The following GSE1 variants were observed in gnomAD, a reference collection of about 807,000 sequenced individuals.
The protein encoded by GSE1 is genetic suppressor element 1.
Under a neutral mutation model 112.6 loss-of-function variants are expected in GSE1, and 32 were observed. The ratio of observed to expected loss-of-function variants is 0.28; its 90% CI spans 0.21 to 0.38. The LOEUF is 0.38. Among genes scored for constraint, GSE1 ranks in the 10% least tolerant of loss-of-function variants. The probability of loss-of-function intolerance (pLI) is 1.00; values close to 1 mark genes in which losing one functional copy is unlikely to be tolerated. For missense variants in GSE1, 2,348 were observed against 1,699.2 expected (o/e 1.38, Z -6.71); for synonymous variants, 1,115 against 735.6 (o/e 1.52, Z -8.35).
In GSE1 at chr16:85,506,797, G is replaced by A. The variant is rs947095768; in HGVS notation, c.2465-127117G>A. Among the ~76,000 whole-genome samples the A allele has an allele frequency of 7.2e-5, 11 of 152,202 alleles. 1 individual carries two copies. The highest frequency in any genetic ancestry group is 1.4e-4 in the African/African-American group (6 of 41,502). ...GATCCGTGAGCTCCTGCTACTTGCT[G>A]GGGGAAGTGATCATAGCAGACGAAG... On this transcript the variant is annotated intron_variant, in intron 2 of 2. Coordinates refer to the GSE1 transcript ENST00000637419.
chr16:85,437,904 T>C (rs899376745), intron 2 of GSE1, among the ~76,000 whole-genome samples: 1 of 152,178 alleles, frequency 6.6e-6, no homozygotes, highest in African/African-American at 2.4e-5. Flanking sequence ...CCTGCCTCCT[T>C]GATGACAATA....
chr16:85,271,350 A>G (rs990134205), intron 1 of GSE1, among the ~76,000 whole-genome samples: 1 of 152,134 alleles, frequency 6.6e-6, no homozygotes, highest in African/African-American at 2.4e-5. Context: ...ATCTCTGCTC[A>G]CATGAATGGC....
chr16:85,309,949 A>T (rs2045790150), intron 1 of GSE1, among the ~76,000 whole-genome samples: 1 of 152,220 alleles, frequency 6.6e-6, no homozygotes, highest in South Asian at 2.1e-4. Flanking sequence ...CAAAAAAATA[A>T]AAAAGGAGAA....
chr16:85,666,476 AAAT>A, intron 13 of GSE1, 129 bp downstream of exon 13: 3 of 839,576 alleles, frequency 3.6e-6, no homozygotes, highest in Non-Finnish European at 3.8e-6. Context: ...CACCAGAAGA[AAAT>A]AATTTCGTTA....
chr16:85,581,263 C>G (rs565132308), intron 1 of GSE1, among the ~76,000 whole-genome samples: 2 of 152,130 alleles, frequency 1.3e-5, no homozygotes, highest in African/African-American at 2.4e-5. Context: ...CTCTTTCTGC[C>G]CCATGCCCCC....
At chr16:85,624,324 G>C (rs930137237) in intron 1 of GSE1, among the ~76,000 whole-genome samples, 1 of 152,202 alleles carries the variant, frequency 6.6e-6, no homozygotes, top group Non-Finnish European at 1.5e-5. Flanking sequence ...AGGCAGCCTG[G>C]TCAGCTCTGG....
In GSE1 at chr16:85,495,432, TA is replaced by T. The variant is rs869095696; in HGVS notation, c.2464+137790del. On this transcript the variant is annotated intron_variant, in intron 2 of 2. Coordinates refer to the GSE1 transcript ENST00000637419. Reference sequence around the variant, plus strand: ...AGATGAGAACATGCTGGGAACATTTTATTTATTTATTTATTTATTTATTTAT... The same window carrying T: ...AGATGAGAACATGCTGGGAACATTTTTTTATTTATTTATTTATTTATTTAT... Among the ~76,000 whole-genome samples, 16 of 5,110 alleles carry T rather than the reference TA, an allele frequency of 3.1e-3. No individual in the cohort carries two copies. In the South Asian group the frequency reaches 0.051, roughly 16 times the overall value. The allele number at this position is 5,110 out of a possible 152,430, so 3.4% of individuals were successfully genotyped here.
In GSE1 at chr16:85,465,992, C is replaced by G. The variant is rs147297572; in HGVS notation, c.2464+108349C>G. Among the ~76,000 whole-genome samples the G allele has an allele frequency of 5.5e-3, 841 of 152,324 alleles. 10 individuals carry two copies. Among genetic ancestry groups the G allele is most frequent in the Admixed American group, 0.052 (800 of 15,302 alleles). ...CTTTGGGATGCCTTAAAATTGTTTC[C>G]AAGTCCTGTGGGTGGATGAGCTCAT... On this transcript the variant is annotated intron_variant, in intron 2 of 2. Coordinates refer to the GSE1 transcript ENST00000637419.
chr16:85,672,865 TAAC>T lies in GSE1; in HGVS notation c.*328_*330del. The stretch of plus-strand genomic sequence containing the variant: ...ATTAGCAACACTAAAACTTGATCAT[TAAC>T]AGCCCCCTGTGCATATGAGTGGATC... On this transcript the variant is annotated 3_prime_UTR_variant, in exon 16 of 16. Coordinates refer to ENST00000253458, the MANE Select transcript of GSE1 (RefSeq NM_014615.5). The T allele has an allele frequency of 5.4e-6, 1 of 184,890 alleles. No homozygotes were observed. The highest frequency in any genetic ancestry group is 5.6e-5 in the Admixed American group (1 of 17,974). 11.5% of individuals were successfully genotyped at this position (184,890 alleles called of 1,614,324 possible).
chr16:85,256,526 A>G (rs1907097766), intron 1 of GSE1, among the ~76,000 whole-genome samples: 1 of 152,196 alleles, frequency 6.6e-6, no homozygotes, highest in African/African-American at 2.4e-5. Flanking sequence ...AGGGCCGCCC[A>G]GGCACGTTCC....
At chr16:85,547,878 CAAAAAAA>C (rs755865916) in intron 2 of GSE1, among the ~76,000 whole-genome samples, 1 of 92,294 alleles carries the variant, frequency 1.1e-5, no homozygotes, top group Non-Finnish European at 2.2e-5. Context: ...GTCTCTGTCT[CAAAAAAA>C]AAAAAAAAAA....
intron 2 of GSE1, among the ~76,000 whole-genome samples, chr16:85,647,908 G>C (rs1013440606): frequency 6.6e-6 from 1 of 152,140 alleles, no homozygotes; most frequent in Non-Finnish European, 1.5e-5. Flanking sequence ...TCTTGTGTTT[G>C]TTCCCTGCTG....
chr16:85,206,587 G>A (rs770748417), intron 1 of GSE1, among the ~76,000 whole-genome samples: 12 of 152,238 alleles, frequency 7.9e-5, no homozygotes, highest in East Asian at 7.7e-4. Flanking sequence ...CTGGAAAAGC[G>A]TCTGCCTACC....
intron 2 of GSE1, among the ~76,000 whole-genome samples, chr16:85,381,791 G>A (rs1396212707): frequency 6.6e-6 from 1 of 152,220 alleles, no homozygotes; most frequent in Non-Finnish European, 1.5e-5. Flanking sequence ...TCCTCAGGAT[G>A]CTGTTGGGTG....
At chr16:85,203,441 C>T (rs764338795) in intron 1 of GSE1, among the ~76,000 whole-genome samples, 16 of 152,168 alleles carry the variant, frequency 1.1e-4, no homozygotes, top group African/African-American at 3.1e-4. Context: ...ACGTGGGACA[C>T]GGCCTGCCCC....
In GSE1 at chr16:85,666,316, G is replaced by T. The variant is rs765251747; in HGVS notation, c.3099G>T (p.Gln1033His). 6.2e-7 allele frequency: 1 copy of T among 1,613,768 alleles called. No homozygotes were observed. The highest frequency in any genetic ancestry group is 1.1e-5 in the South Asian group (1 of 91,088). The change falls in exon 13 of 16, where the codon CAG becomes CAT. Residue 1033 changes from glutamine to histidine, a missense_variant. Physicochemically the swap from Gln to His is conservative, Grantham distance 24 (BLOSUM62 0). Coordinates refer to ENST00000253458, the MANE Select transcript of GSE1 (RefSeq NM_014615.5). ...ATCAGTTCCACGAGTCAGTGCTGCA[G>T]TCCACCCAGAAGGCCCTGCAGAAGC... Reference protein sequence around the residue: ...FAHQFHESVLQSTQKALQKHK... With the variant: ...FAHQFHESVLHSTQKALQKHK...
chr16:85,486,445 T>G (rs1038140844), intron 2 of GSE1, among the ~76,000 whole-genome samples: 1 of 152,224 alleles, frequency 6.6e-6, no homozygotes, highest in South Asian at 2.1e-4. Context: ...CTCCCACCCC[T>G]TGGCATGGCA....
intron 1 of GSE1, among the ~76,000 whole-genome samples, chr16:85,569,388 A>T (rs2151321631): frequency 6.6e-6 from 1 of 152,346 alleles, no homozygotes; most frequent in East Asian, 1.9e-4. Flanking sequence ...TCGGATGTGA[A>T]TTCTTGCTCC....
chr16:85,287,202 C>G (rs1478922198), intron 1 of GSE1, among the ~76,000 whole-genome samples: 1 of 152,240 alleles, frequency 6.6e-6, no homozygotes. Flanking sequence ...TCTGTCAGAT[C>G]TGGCTCCTGG....
Sources: allele counts gnomAD v4.1 joint callset (sites outside exome capture counted in the v4.1 genomes callset), GRCh38; gene constraint gnomAD v4.1.1; transcripts MANE v1.5; gene names NCBI Gene and HGNC (gene_info 2026-07-23, HGNC 2026-07-21).